The following CD33 variants were observed in gnomAD, a reference collection of about 807,000 sequenced individuals.
CD33 encodes the protein myeloid cell surface antigen CD33.
CD33 carries 25 observed loss-of-function variants against 31.4 expected under a neutral mutation model. The ratio of observed to expected loss-of-function variants is 0.80; its 90% CI spans 0.58 to 1.11. The LOEUF (loss-of-function observed/expected upper bound fraction) is 1.11. CD33 is among the 50% of genes most tolerant of loss of function. The pLI is 0.00. For synonymous variants in CD33, 176 were observed against 180.6 expected (o/e 0.97, Z 0.20); for missense variants, 407 against 448.1 (o/e 0.91, Z 0.83).
In CD33 at chr19:51,225,985, C is replaced by T; in HGVS notation, c.601C>T (p.Pro201Ser). The change falls in exon 3 of 7, where the codon CCA becomes TCA. Residue 201 changes from proline to serine, a missense_variant. Pro to Ser is a moderately conservative substitution (Grantham distance 74, BLOSUM62 -1). Transcript: ENST00000262262. ...TTHSSVLIIT[P>S]RPQDHGTNLT... is the part of the protein sequence containing the mutation. ...TCACTCCTCGGTGCTCATAATCACC[C>T]CACGGCCCCAGGACCACGGCACCAA... 3.7e-6 allele frequency: 6 copies of T among 1,614,048 alleles called. No individual in the cohort carries two copies. The highest frequency in any genetic ancestry group is 5.1e-6 in the Non-Finnish European group (6 of 1,180,004).
chr19:51,217,984 T>G, the CD33 span, among the ~76,000 whole-genome samples: 1 of 152,226 alleles, frequency 6.6e-6, no homozygotes, highest in Admixed American at 6.5e-5. Context: ...TTGTGAATAG[T>G]GCTGCTACAA....
At chr19:51,223,060 A>C (rs1980759854), upstream of CD33, among the ~76,000 whole-genome samples, 1 of 152,078 alleles carries the variant, frequency 6.6e-6, no homozygotes, top group Non-Finnish European at 1.5e-5. Flanking sequence ...CCTAAACATA[A>C]AAACAAAAAG....
At position 51,225,149 on chromosome 19, in the gene CD33, T is replaced by A. The variant is rs752453411; in HGVS notation, c.31T>A (p.Trp11Arg). Residue 11 changes from tryptophan (W) to arginine (R), a missense_variant, in exon 1 of 7, where the codon TGG (tryptophan) becomes AGG (arginine). Coordinates refer to ENST00000262262, the MANE Select transcript of CD33 (RefSeq NM_001772.4). Reference sequence around the variant, plus strand: ...GCTGCTGCTACTGCTGCCCCTGCTGTGGGCAGGTGAGTGGCTGTGGGGAGA... The same window carrying A: ...GCTGCTGCTACTGCTGCCCCTGCTGAGGGCAGGTGAGTGGCTGTGGGGAGA... MPLLLLLPLL[W>R]AGALAMDPNF... 6.2e-7 allele frequency: 1 copy of A among 1,613,850 alleles called. No homozygotes were observed.
chr19:51,220,997 A>G (rs1342090280), upstream of CD33, among the ~76,000 whole-genome samples: 1 of 152,228 alleles, frequency 6.6e-6, no homozygotes, highest in Non-Finnish European at 1.5e-5. Flanking sequence ...ACAAAAACAT[A>G]AGTAAACCAC....
chr19:51,220,762 C>T (rs182391779), upstream of CD33, among the ~76,000 whole-genome samples: 1 of 152,280 alleles, frequency 6.6e-6, no homozygotes, highest in Admixed American at 6.5e-5. Flanking sequence ...AGGAGGCCCC[C>T]ATCTGCCCTC....
upstream of CD33, among the ~76,000 whole-genome samples, chr19:51,223,979 C>T (rs1359773900): frequency 6.6e-6 from 1 of 152,108 alleles, no homozygotes; most frequent in East Asian, 1.9e-4. Flanking sequence ...GGCATCTCTT[C>T]TCAAGCCCCA....
chr19:51,233,947 T>C (rs1981600898), intron 4 of CD33, among the ~76,000 whole-genome samples: 1 of 152,176 alleles, frequency 6.6e-6, no homozygotes, highest in Non-Finnish European at 1.5e-5. Flanking sequence ...TGCTGTGGTT[T>C]ATTCATTGCC....
At chr19:51,233,513 C>T (rs891614807) in intron 4 of CD33, among the ~76,000 whole-genome samples, 3 of 152,196 alleles carry the variant, frequency 2.0e-5, no homozygotes, top group Non-Finnish European at 2.9e-5. Flanking sequence ...ATGCCACTGG[C>T]CCCCAGAGGA....
upstream of CD33, among the ~76,000 whole-genome samples, chr19:51,222,785 T>G (rs746060883): frequency 2.6e-5 from 4 of 152,234 alleles, no homozygotes; most frequent in African/African-American, 9.7e-5. Flanking sequence ...TCAAATCTCA[T>G]GCAAATGTGA....
At chr19:51,234,791 A>C (rs1187030390) in intron 4 of CD33, among the ~76,000 whole-genome samples, 1 of 152,184 alleles carries the variant, frequency 6.6e-6, no homozygotes, top group Non-Finnish European at 1.5e-5. Context: ...GGAAGAAAGA[A>C]GAGACAAGGC....
At chr19:51,219,458 A>G in the CD33 span, among the ~76,000 whole-genome samples, 1 of 152,192 alleles carries the variant, frequency 6.6e-6, no homozygotes, top group Non-Finnish European at 1.5e-5. Flanking sequence ...AGATCCTATC[A>G]TCAGCAAACA....
At chr19:51,223,901 A>ATG (rs1317331270), upstream of CD33, among the ~76,000 whole-genome samples, 1 of 152,134 alleles carries the variant, frequency 6.6e-6, no homozygotes, top group East Asian at 1.9e-4. Context: ...GCCAGACAGC[A>ATG]TGTGTGTGTG....
upstream of CD33, among the ~76,000 whole-genome samples, chr19:51,223,780 G>A (rs1212178612): frequency 1.3e-5 from 2 of 152,166 alleles, no homozygotes; most frequent in Admixed American, 6.5e-5. Flanking sequence ...TTGACACTGT[G>A]CAAATCAGTG....
chr19:51,213,094 C>A, the CD33 span, among the ~76,000 whole-genome samples: 2 of 152,136 alleles, frequency 1.3e-5, no homozygotes, highest in East Asian at 3.8e-4. Flanking sequence ...TGAAATATGG[C>A]AAAATTTTTC....
chr19:51,225,777 C>T (rs763757888), intron 2 of CD33, 26 bp from the exon 3 acceptor site: 43 of 1,603,232 alleles, frequency 2.7e-5, no homozygotes, highest in Non-Finnish European at 3.5e-5. Flanking sequence ...CCTCCTGATT[C>T]TGCATCCCCT....
rs533653364 is a variant in CD33, at chr19:51,239,325, C to T, written c.925-193C>T. 7.3e-4 allele frequency: 310 copies of T among 425,298 alleles called. 3 individuals are homozygous for T. The South Asian group carries it at 0.021, about 29-fold the overall frequency. 26.3% of individuals were successfully genotyped at this position (425,298 alleles called of 1,614,324 possible). A position where few individuals can be genotyped will look rare whatever the true frequency, so the allele number is the denominator to read the frequency against. ...TCTCTGTGAGTATTCAAGAGAATTG[C>T]GAATCAATCAATACGTGCTACATGT... On this transcript the variant is annotated intron_variant, in intron 6 of 6. Coordinates refer to ENST00000262262, the MANE Select transcript of CD33 (RefSeq NM_001772.4).
chr19:51,233,288 C>G (rs1159212832), intron 4 of CD33, among the ~76,000 whole-genome samples: 1 of 152,212 alleles, frequency 6.6e-6, no homozygotes, highest in East Asian at 1.9e-4. Context: ...TGAGCATGCA[C>G]AGTAGTTTGG....
chr19:51,229,422 A>G (rs887957887), intron 4 of CD33, among the ~76,000 whole-genome samples: 4 of 152,122 alleles, frequency 2.6e-5, no homozygotes, highest in Non-Finnish European at 5.9e-5. Context: ...AGTTAGGAAG[A>G]GTTGCCTCCA....
At chr19:51,219,207 C>G in the CD33 span, among the ~76,000 whole-genome samples, 3 of 152,068 alleles carry the variant, frequency 2.0e-5, no homozygotes, top group African/African-American at 7.2e-5. Flanking sequence ...CTTATTTCAT[C>G]AGTATTTTGT....
Sources: gnomAD v4.1 joint callset for allele counts (sites outside exome capture counted in the v4.1 genomes callset) on GRCh38, gnomAD v4.1.1 for gene constraint, MANE v1.5 for transcripts, NCBI Gene and HGNC (gene_info 2026-07-23, HGNC 2026-07-21) for gene names.